The following ATP2B2 variants were observed in gnomAD, a reference collection of about 807,000 sequenced individuals.
The protein encoded by ATP2B2 is ATPase plasma membrane Ca2+ transporting 2.
Under a neutral mutation model 120.0 loss-of-function variants are expected in ATP2B2, and 15 were observed. The ratio of observed to expected loss-of-function variants is 0.12; its 90% CI spans 0.08 to 0.19. The LOEUF (loss-of-function observed/expected upper bound fraction) is 0.19, where lower values mean the gene tolerates loss of function less well. ATP2B2 is among the 10% of genes least tolerant of loss of function. The pLI, the probability that ATP2B2 is intolerant of heterozygous loss-of-function variation, is 1.00. For missense variants in ATP2B2, 1,045 were observed against 1,719.8 expected (o/e 0.61, Z 6.94); for synonymous variants, 694 against 700.3 (o/e 0.99, Z 0.14).
At chr3:10,575,753 GTC>G (rs1329963665) in intron 2 of ATP2B2, among the ~76,000 whole-genome samples, 1 of 152,198 alleles carries the variant, frequency 6.6e-6, no homozygotes, top group African/African-American at 2.4e-5. Flanking sequence ...TGTCTCTGGT[GTC>G]TGAGGGAAGT....
At chr3:10,415,012 G>A (rs990928110) in intron 2 of ATP2B2, among the ~76,000 whole-genome samples, 3 of 152,154 alleles carry the variant, frequency 2.0e-5, no homozygotes, top group Admixed American at 6.5e-5. Context: ...AGGTGGTCAT[G>A]ACGTCTCGCT....
chr3:10,382,670 T>C (rs1575075021), intron 8 of ATP2B2, among the ~76,000 whole-genome samples: 1 of 152,096 alleles, frequency 6.6e-6, no homozygotes, highest in African/African-American at 2.4e-5. Context: ...TGATGTATAA[T>C]TAACTGTGAT....
Position 10,345,503 on chromosome 3 carries a change from C to T in ATP2B2, c.2584G>A (p.Val862Ile), listed in dbSNP as rs778120026. Residue 862 changes from valine (V) to isoleucine (I), a missense_variant, in exon 18 of 23, where the codon GTC (valine) becomes ATC (isoleucine). Coordinates refer to ENST00000360273, the MANE Select transcript of ATP2B2 (RefSeq NM_001001331.4). ...TTGCGGCCCCACATCACTGCCTTGA[C>T]GATGCTGCTGAAATTGTCGTCTGTC... ...ILTDDNFSSI[V>I]KAVMWGRNVY... is the part of the protein sequence containing the mutation. The T allele has an allele frequency of 3.7e-6, 6 of 1,614,224 alleles. No homozygotes were observed. Among genetic ancestry groups the T allele is most frequent in the East Asian group, 2.2e-5 (1 of 44,882 alleles).
chr3:10,609,289 G>A (rs1424702359), intron 2 of ATP2B2, among the ~76,000 whole-genome samples: 1 of 148,906 alleles, frequency 6.7e-6, no homozygotes, highest in Non-Finnish European at 1.5e-5. Flanking sequence ...AGGGCAGGGA[G>A]CTGTCTGGAA....
intron 1 of ATP2B2, among the ~76,000 whole-genome samples, chr3:10,470,575 G>A (rs1169714399): frequency 6.6e-6 from 1 of 152,190 alleles, no homozygotes. Context: ...GTTAAATGGT[G>A]GTCCCAGGAT....
chr3:10,544,652 G>A (rs897463591), intron 2 of ATP2B2, among the ~76,000 whole-genome samples: 1 of 151,994 alleles, frequency 6.6e-6, no homozygotes, highest in African/African-American at 2.4e-5. Flanking sequence ...CACAAACGAT[G>A]CTTCTGCCTC....
At chr3:10,470,680 C>T (rs2064946911) in intron 1 of ATP2B2, among the ~76,000 whole-genome samples, 1 of 152,178 alleles carries the variant, frequency 6.6e-6, no homozygotes, top group Non-Finnish European at 1.5e-5. Flanking sequence ...TGGCAGAGTC[C>T]TGGGGTTGTG....
intron 1 of ATP2B2, among the ~76,000 whole-genome samples, chr3:10,453,479 G>A (rs766395752): frequency 5.3e-5 from 8 of 152,138 alleles, no homozygotes; most frequent in Non-Finnish European, 8.8e-5. Flanking sequence ...GGTGGATCTG[G>A]GATTTGAACC....
intron 1 of ATP2B2, among the ~76,000 whole-genome samples, chr3:10,629,289 T>C (rs2069796086): frequency 6.6e-6 from 1 of 152,206 alleles, no homozygotes; most frequent in Non-Finnish European, 1.5e-5. Flanking sequence ...ACTGCCATTT[T>C]CCACCTCTGC....
intron 1 of ATP2B2, among the ~76,000 whole-genome samples, chr3:10,458,355 G>A (rs1477403260): frequency 6.6e-6 from 1 of 152,226 alleles, no homozygotes; most frequent in African/African-American, 2.4e-5. Flanking sequence ...TGGGTCAAGT[G>A]ATTTCTGCAC....
intron 2 of ATP2B2, among the ~76,000 whole-genome samples, chr3:10,545,208 C>T (rs563611394): frequency 5.8e-4 from 89 of 152,250 alleles, no homozygotes; most frequent in Non-Finnish European, 9.6e-4. Flanking sequence ...AAATAATATG[C>T]GTTGTAAGCA....
intron 1 of ATP2B2, among the ~76,000 whole-genome samples, chr3:10,624,991 A>G (rs927164413): frequency 1.3e-5 from 2 of 152,210 alleles, no homozygotes; most frequent in Non-Finnish European, 2.9e-5. Flanking sequence ...CTGTGTCCTT[A>G]ACAGAGCTGG....
At chr3:10,390,235 C>G (rs1172666598) in intron 5 of ATP2B2, among the ~76,000 whole-genome samples, 3 of 152,158 alleles carry the variant, frequency 2.0e-5, no homozygotes, top group African/African-American at 7.2e-5. Flanking sequence ...CTAGGTGCCA[C>G]TTCTTCCTGT....
chr3:10,381,142 T>C (rs1242736770), intron 8 of ATP2B2, among the ~76,000 whole-genome samples: 1 of 152,164 alleles, frequency 6.6e-6, no homozygotes, highest in African/African-American at 2.4e-5. Flanking sequence ...CCCAGCACTG[T>C]CTGTTCAAGG....
At chr3:10,428,972 A>G (rs1171451264) in intron 2 of ATP2B2, among the ~76,000 whole-genome samples, 1 of 152,210 alleles carries the variant, frequency 6.6e-6, no homozygotes, top group Non-Finnish European at 1.5e-5. Flanking sequence ...GAGATGATGC[A>G]TCATGTCTCT....
chr3:10,615,103 A>T (rs893124674), intron 2 of ATP2B2, among the ~76,000 whole-genome samples: 1 of 152,162 alleles, frequency 6.6e-6, no homozygotes, highest in Non-Finnish European at 1.5e-5. Context: ...ATCAGAGGCC[A>T]GAGGTGAAGG....
At chr3:10,597,020 C>T (rs2068782512) in intron 2 of ATP2B2, among the ~76,000 whole-genome samples, 1 of 149,424 alleles carries the variant, frequency 6.7e-6, no homozygotes, top group Non-Finnish European at 1.5e-5. Flanking sequence ...CACACGCACA[C>T]AGGCACACAC....
Position 10,449,753 on chromosome 3 carries a change from C to T in ATP2B2, c.-210G>A, listed in dbSNP as rs976487725. 9.2e-6 allele frequency: 6 copies of T among 651,016 alleles called. No homozygotes were observed. Among genetic ancestry groups the T allele is most frequent in the African/African-American group, 5.4e-5 (3 of 55,818 alleles). 40.3% of individuals were successfully genotyped at this position (651,016 alleles called of 1,614,324 possible). ...CCAAGAGGTGTCCTCCGGTGTGGGA[C>T]GAGGTCCAGGGGCCGGAGGGGCTCA... On this transcript the variant is annotated 5_prime_UTR_variant, in exon 2 of 23. Transcript: ENST00000360273.
At chr3:10,612,042 T>C (rs9835415) in intron 2 of ATP2B2, among the ~76,000 whole-genome samples, 66,011 of 151,974 alleles carry the variant, frequency 0.43, 16,061 homozygotes, top group East Asian at 0.78. Context: ...GTATGGATGG[T>C]GACTCCCATC....
Sources: allele counts gnomAD v4.1 joint callset (sites outside exome capture counted in the v4.1 genomes callset), GRCh38; gene constraint gnomAD v4.1.1; transcripts MANE v1.5; gene names NCBI Gene and HGNC (gene_info 2026-07-23, HGNC 2026-07-21).